The following MYO3B variants were observed in gnomAD, a reference collection of about 807,000 sequenced individuals.
The protein encoded by MYO3B is myosin-IIIb.
MYO3B carries 156 observed loss-of-function variants against 174.6 expected under a neutral mutation model. The ratio of observed to expected loss-of-function variants is 0.89; its 90% CI spans 0.78 to 1.02. The LOEUF (loss-of-function observed/expected upper bound fraction) is 1.02. Ranked by LOEUF, MYO3B falls within the 50% of genes least tolerant of loss-of-function variation. MYO3B has a pLI of 0.00. For synonymous variants in MYO3B, 563 were observed against 569.1 expected (o/e 0.99, Z 0.15); for missense variants, 1,632 against 1,639.4 (o/e 1.00, Z 0.08).
intron 25 of MYO3B, among the ~76,000 whole-genome samples, chr2:170,481,814 C>A (rs1047095662): frequency 6.6e-6 from 1 of 152,140 alleles, no homozygotes; most frequent in Non-Finnish European, 1.5e-5. Flanking sequence ...TTTCCATCAG[C>A]TTTTCTTTGT....
chr2:170,447,626 G>C (rs1012233714), intron 23 of MYO3B, among the ~76,000 whole-genome samples: 1 of 152,154 alleles, frequency 6.6e-6, no homozygotes, highest in Non-Finnish European at 1.5e-5. Context: ...AACCACATCG[G>C]GTGGTGTAAC....
chr2:170,604,648 T>G (rs1559152587), intron 32 of MYO3B, among the ~76,000 whole-genome samples: 1 of 152,162 alleles, frequency 6.6e-6, no homozygotes, highest in African/African-American at 2.4e-5. Context: ...AGTGACTGCA[T>G]ATCATTCAGA....
intron 21 of MYO3B, 71 bp from the exon 22 acceptor site, chr2:170,407,644 G>A: frequency 6.3e-7 from 1 of 1,576,284 alleles, no homozygotes; most frequent in Non-Finnish European, 8.7e-7. Context: ...CAACTGGTTA[G>A]GCAAGTTGCC....
At chr2:170,462,227 C>T (rs190914481) in intron 23 of MYO3B, among the ~76,000 whole-genome samples, 21 of 152,312 alleles carry the variant, frequency 1.4e-4, no homozygotes, top group Admixed American at 5.2e-4. Flanking sequence ...CTGATGGCAT[C>T]GGCCGTGCAG....
chr2:170,269,522 T>C (rs1219721139), intron 7 of MYO3B, among the ~76,000 whole-genome samples: 1 of 152,168 alleles, frequency 6.6e-6, no homozygotes, highest in Non-Finnish European at 1.5e-5. Context: ...ATGGAAGTAT[T>C]GATAGAGGCT....
At chr2:170,299,462 CT>C (rs370600650) in intron 7 of MYO3B, among the ~76,000 whole-genome samples, 8 of 148,678 alleles carry the variant, frequency 5.4e-5, no homozygotes, top group South Asian at 2.1e-4. Flanking sequence ...AATGAAATTT[CT>C]TTTTTTTTTA....
chr2:170,611,791 C>T (rs891834058), intron 32 of MYO3B, among the ~76,000 whole-genome samples: 4 of 152,166 alleles, frequency 2.6e-5, no homozygotes, highest in Non-Finnish European at 5.9e-5. Context: ...TTCTCCCTCC[C>T]TAGAGCTTCA....
chr2:170,553,246 C>T (rs1360230113), intron 32 of MYO3B, among the ~76,000 whole-genome samples: 2 of 152,182 alleles, frequency 1.3e-5, no homozygotes, highest in African/African-American at 2.4e-5. Context: ...CTACCAATAC[C>T]TTGCACTATG....
At chr2:170,427,708 A>G (rs1309715918) in intron 22 of MYO3B, among the ~76,000 whole-genome samples, 1 of 152,218 alleles carries the variant, frequency 6.6e-6, no homozygotes, top group African/African-American at 2.4e-5. Flanking sequence ...ATATACATAT[A>G]CATGGATGTT....
chr2:170,262,314 A>C (rs1463460531), intron 7 of MYO3B, among the ~76,000 whole-genome samples: 1 of 152,160 alleles, frequency 6.6e-6, no homozygotes, highest in East Asian at 1.9e-4. Context: ...ACGGGGCTAG[A>C]TGGTTACCTT....
At chr2:170,599,592 C>T (rs1258651708) in intron 32 of MYO3B, among the ~76,000 whole-genome samples, 1 of 152,086 alleles carries the variant, frequency 6.6e-6, no homozygotes, top group Non-Finnish European at 1.5e-5. Context: ...ACTAAAAATA[C>T]AAAAACTTAG....
chr2:170,184,588 C>A (rs2092440707), intron 1 of MYO3B, among the ~76,000 whole-genome samples: 1 of 152,078 alleles, frequency 6.6e-6, no homozygotes, highest in Non-Finnish European at 1.5e-5. Context: ...CATTTATCTG[C>A]TGATGAACAC....
intron 8 of MYO3B, among the ~76,000 whole-genome samples, chr2:170,337,306 CCAAA>C (rs764383560): frequency 2.0e-5 from 3 of 152,076 alleles, no homozygotes; most frequent in Non-Finnish European, 2.9e-5. Flanking sequence ...AAGGCTGAAT[CCAAA>C]GATTTTTCCT....
chr2:170,534,638 C>T (rs933853765), intron 30 of MYO3B, among the ~76,000 whole-genome samples: 8 of 152,166 alleles, frequency 5.3e-5, no homozygotes, highest in African/African-American at 1.9e-4. Context: ...CAAGGTCTCA[C>T]TGTGTTGCCC....
intron 28 of MYO3B, among the ~76,000 whole-genome samples, chr2:170,510,792 A>G (rs114472002): frequency 0.011 from 1,713 of 152,260 alleles, 31 homozygotes; most frequent in African/African-American, 0.039. Flanking sequence ...CCTCTTCCAG[A>G]GTCTTGTCCT....
At chr2:170,395,829 G>A (rs973617175) in intron 16 of MYO3B, among the ~76,000 whole-genome samples, 3 of 152,178 alleles carry the variant, frequency 2.0e-5, no homozygotes, top group African/African-American at 7.2e-5. Flanking sequence ...AACAACTACC[G>A]GAGATGCCTG....
chr2:170,593,596 G>T (rs961788354), intron 32 of MYO3B, among the ~76,000 whole-genome samples: 5 of 152,202 alleles, frequency 3.3e-5, no homozygotes, highest in Non-Finnish European at 7.3e-5. Context: ...CTGCCTCTTA[G>T]CAAGAGCTGG....
At chr2:170,634,162 C>G (rs754892867) in intron 32 of MYO3B, among the ~76,000 whole-genome samples, 4 of 152,178 alleles carry the variant, frequency 2.6e-5, no homozygotes, top group African/African-American at 9.7e-5. Flanking sequence ...ATTGCCAAGA[C>G]AATCCTAAGC....
intron 32 of MYO3B, among the ~76,000 whole-genome samples, chr2:170,612,959 A>G (rs1393936942): frequency 6.6e-6 from 1 of 152,134 alleles, no homozygotes; most frequent in East Asian, 1.9e-4. Flanking sequence ...TGTCCCTGGT[A>G]AGTGGGGAGG....
Sources: allele counts gnomAD v4.1 joint callset (sites outside exome capture counted in the v4.1 genomes callset), GRCh38; gene constraint gnomAD v4.1.1; transcripts MANE v1.5; gene names NCBI Gene and HGNC (gene_info 2026-07-23, HGNC 2026-07-21).